L3MBTL4: variants seen among roughly 807,000 people sequenced by gnomAD.
The protein encoded by L3MBTL4 is L3MBTL histone methyl-lysine binding protein 4.
Under a neutral mutation model 84.5 loss-of-function variants are expected in L3MBTL4, and 70 were observed. The observed-to-expected ratio is 0.83, with a 90% CI of 0.68 to 1.01. The LOEUF (loss-of-function observed/expected upper bound fraction) is 1.01, where lower values mean the gene tolerates loss of function less well. Among genes scored for constraint, L3MBTL4 ranks in the 50% least tolerant of loss-of-function variants. The probability of loss-of-function intolerance (pLI) is 0.00; values close to 1 mark genes in which losing one functional copy is unlikely to be tolerated. For synonymous variants in L3MBTL4, 274 were observed against 259.8 expected (o/e 1.05, Z -0.52); for missense variants, 715 against 754.8 (o/e 0.95, Z 0.62).
At chr18:6,045,680 A>T (rs1375061465) in intron 16 of L3MBTL4, among the ~76,000 whole-genome samples, 1 of 152,180 alleles carries the variant, frequency 6.6e-6, no homozygotes, top group Non-Finnish European at 1.5e-5. Context: ...TCCCTCCCAC[A>T]ACATGTGGGA....
At chr18:6,315,438 C>G (rs1052504069) in intron 1 of L3MBTL4, among the ~76,000 whole-genome samples, 3 of 152,092 alleles carry the variant, frequency 2.0e-5, no homozygotes, top group African/African-American at 7.2e-5. Context: ...CCTCATGTAC[C>G]AGGCATAGCT....
At chr18:5,965,561 G>C (rs929273029) in intron 17 of L3MBTL4, among the ~76,000 whole-genome samples, 1 of 152,122 alleles carries the variant, frequency 6.6e-6, no homozygotes, top group Non-Finnish European at 1.5e-5. Flanking sequence ...CATCATTGCT[G>C]CCCTGCTCGT....
chr18:6,319,702 T>G (rs2051305472), intron 1 of L3MBTL4, among the ~76,000 whole-genome samples: 1 of 152,062 alleles, frequency 6.6e-6, no homozygotes, highest in Non-Finnish European at 1.5e-5. Flanking sequence ...TACCAGACAT[T>G]CAAAGAATTG....
chr18:5,984,496 C>G (rs2053382026), intron 16 of L3MBTL4, among the ~76,000 whole-genome samples: 1 of 152,120 alleles, frequency 6.6e-6, no homozygotes, highest in South Asian at 2.1e-4. Context: ...GAATAGAAAT[C>G]CAAAGAAAAT....
At chr18:6,038,885 A>C (rs1188722921) in intron 16 of L3MBTL4, among the ~76,000 whole-genome samples, 1 of 151,978 alleles carries the variant, frequency 6.6e-6, no homozygotes, top group African/African-American at 2.4e-5. Flanking sequence ...CGGTTTTTGG[A>C]GATGAGGATT....
intron 1 of L3MBTL4, among the ~76,000 whole-genome samples, chr18:6,312,444 C>T (rs1403075599): frequency 6.6e-6 from 1 of 152,212 alleles, no homozygotes; most frequent in East Asian, 1.9e-4. Flanking sequence ...ACACTGCCTC[C>T]CAGTTCTAGG....
At chr18:6,179,100 A>G (rs2044352395) in intron 12 of L3MBTL4, among the ~76,000 whole-genome samples, 1 of 152,246 alleles carries the variant, frequency 6.6e-6, no homozygotes, top group Admixed American at 6.5e-5. Flanking sequence ...TTGAATGCTC[A>G]GTCACAATAA....
At chr18:6,167,591 A>G (rs1468838970) in intron 13 of L3MBTL4, among the ~76,000 whole-genome samples, 1 of 152,194 alleles carries the variant, frequency 6.6e-6, no homozygotes, top group Non-Finnish European at 1.5e-5. Context: ...TGATTATCTC[A>G]ATAGAGACAG....
chr18:6,302,214 T>C (rs982748154), intron 3 of L3MBTL4, among the ~76,000 whole-genome samples: 15 of 152,198 alleles, frequency 9.9e-5, no homozygotes, highest in Non-Finnish European at 1.0e-4. Context: ...ACAGTTAATA[T>C]TGAGGTTGAC....
intron 16 of L3MBTL4, among the ~76,000 whole-genome samples, chr18:6,044,182 G>A (rs16949327): frequency 0.024 from 3,613 of 152,176 alleles, 135 homozygotes; most frequent in African/African-American, 0.082. Flanking sequence ...GGCAAGATTC[G>A]GAATTGTGTT....
At chr18:6,252,549 A>G (rs2047970364) in intron 5 of L3MBTL4, among the ~76,000 whole-genome samples, 2 of 152,312 alleles carry the variant, frequency 1.3e-5, no homozygotes, top group South Asian at 4.1e-4. Flanking sequence ...ACAGACAGAG[A>G]GAGACCCTTT....
chr18:6,082,673 T>C (rs1598684635), intron 15 of L3MBTL4, among the ~76,000 whole-genome samples: 1 of 152,174 alleles, frequency 6.6e-6, no homozygotes, highest in Non-Finnish European at 1.5e-5. Context: ...AGTTAAAAAA[T>C]AGAAGCCAGT....
intron 4 of L3MBTL4, among the ~76,000 whole-genome samples, chr18:6,296,720 G>A (rs961199815): frequency 9.9e-5 from 15 of 152,208 alleles, no homozygotes; most frequent in African/African-American, 3.6e-4. Context: ...GGGTTATGAG[G>A]CACTCCAGTA....
chr18:6,027,146 C>T (rs778164201), intron 16 of L3MBTL4, among the ~76,000 whole-genome samples: 2 of 152,084 alleles, frequency 1.3e-5, no homozygotes, highest in Non-Finnish European at 2.9e-5. Context: ...TTTTAAGCCC[C>T]ACATGCATTA....
chr18:5,968,936 A>G lies in L3MBTL4; in HGVS notation c.1614+457T>C, dbSNP rs192288140. Among the ~76,000 whole-genome samples, 3 of 152,234 alleles carry G rather than the reference A, an allele frequency of 2.0e-5. No individual in the cohort carries two copies. In the East Asian group the frequency reaches 5.8e-4, roughly 30 times the overall value. On this transcript the variant is annotated intron_variant, in intron 17 of 18. Coordinates refer to ENST00000317931, the MANE Select transcript of L3MBTL4 (RefSeq NM_001330559.2). The stretch of plus-strand genomic sequence containing the variant: ...CCTGCTCTGCCATGAGTGTGCCTGG[A>G]TCCCATAAGACCACAGGGCAACTGG...
chr18:6,332,059 C>CACTCAGG lies in L3MBTL4; in HGVS notation c.-90-20010_-90-20004dup, dbSNP rs141755225. The stretch of plus-strand genomic sequence containing the variant: ...CCTATGTTCTCAGAGCTGAAAATAG[C>CACTCAGG]ACTCAGGACTCATGACTCCCAGGGA... On this transcript the variant is annotated intron_variant, in intron 1 of 18. Coordinates refer to ENST00000317931, the MANE Select transcript of L3MBTL4 (RefSeq NM_001330559.2). Among the ~76,000 whole-genome samples the CACTCAGG allele has an allele frequency of 2.5e-3, 378 of 152,248 alleles. 3 individuals are homozygous for CACTCAGG. The highest frequency in any genetic ancestry group is 2.4e-3 in the Non-Finnish European group (162 of 68,012).
chr18:5,981,674 C>T (rs55744920), intron 16 of L3MBTL4, among the ~76,000 whole-genome samples: 1 of 151,388 alleles, frequency 6.6e-6, no homozygotes. Flanking sequence ...AAAAAGCCAG[C>T]CTTGGTGGCT....
intron 10 of L3MBTL4, among the ~76,000 whole-genome samples, chr18:6,235,258 T>A (rs8093094): frequency 6.6e-6 from 1 of 152,114 alleles, no homozygotes; most frequent in African/African-American, 2.4e-5. Context: ...ACATGGCACA[T>A]GTATACATAC....
At chr18:6,370,749 A>G (rs2054127616) in intron 1 of L3MBTL4, among the ~76,000 whole-genome samples, 1 of 152,158 alleles carries the variant, frequency 6.6e-6, no homozygotes, top group African/African-American at 2.4e-5. Flanking sequence ...CACAGGCCAC[A>G]CTGTCCCCAG....
Sources: allele counts gnomAD v4.1 joint callset (sites outside exome capture counted in the v4.1 genomes callset), GRCh38; gene constraint gnomAD v4.1.1; transcripts MANE v1.5; gene names NCBI Gene and HGNC (gene_info 2026-07-23, HGNC 2026-07-21).